Variants in SEL1L observed in about 807,000 individuals in gnomAD.
SEL1L encodes SEL1L adaptor subunit of SYVN1 ubiquitin ligase.
A neutral mutation model predicts 109.8 loss-of-function variants in SEL1L; 52 were observed. The ratio of observed to expected loss-of-function variants is 0.47; its 90% CI spans 0.38 to 0.60. SEL1L has a LOEUF of 0.60. SEL1L is among the 20% of genes least tolerant of loss of function. The pLI, the probability that SEL1L is intolerant of heterozygous loss-of-function variation, is 0.00. For missense variants in SEL1L, 749 were observed against 962.2 expected (o/e 0.78, Z 2.93); for synonymous variants, 373 against 339.6 (o/e 1.10, Z -1.08).
At chr14:81,478,750 G>A (rs1437522050) in intron 20 of SEL1L, among the ~76,000 whole-genome samples, 1 of 152,188 alleles carries the variant, frequency 6.6e-6, no homozygotes, top group Non-Finnish European at 1.5e-5. Context: ...GCATGGACTA[G>A]ACAAGTCCAT....
rs1331531326 is a variant in SEL1L at position 81,506,248 on chromosome 14, T to C, written c.341-7A>G. ...CCTTCAATGGCGGTCAAAGCTGGAATGACAAGAAATAAAAATCTAAACATG... is the reference window on the plus strand; with the variant it reads ...CCTTCAATGGCGGTCAAAGCTGGAACGACAAGAAATAAAAATCTAAACATG... On this transcript the variant is annotated splice_polypyrimidine_tract_variant and splice_region_variant and intron_variant, in intron 3 of 20. Transcript: ENST00000336735. The C allele has an allele frequency of 6.4e-7, 1 of 1,573,312 alleles. No individual in the cohort carries two copies. The highest frequency in any genetic ancestry group is 8.6e-7 in the Non-Finnish European group (1 of 1,161,892).
At chr14:81,522,799 T>C (rs1884971027) in intron 3 of SEL1L, among the ~76,000 whole-genome samples, 1 of 152,212 alleles carries the variant, frequency 6.6e-6, no homozygotes, top group Admixed American at 6.5e-5. Context: ...CCTCCTGTTT[T>C]ACATCATCCC....
intron 19 of SEL1L, among the ~76,000 whole-genome samples, chr14:81,481,107 T>TACA (rs1903343244): frequency 3.3e-5 from 5 of 152,362 alleles, no homozygotes; most frequent in African/African-American, 1.2e-4. Context: ...ATCTTGTGTT[T>TACA]CCCTGTGTTA....
rs1903027868 is a variant in SEL1L, at chr14:81,472,055, T to A, written c.*4917A>T. ...ATCTAAGCATACTTCCAAGCTGGTATAACCAACCTAAACTAGCATCATAAA... is the reference window on the plus strand; with the variant it reads ...ATCTAAGCATACTTCCAAGCTGGTAAAACCAACCTAAACTAGCATCATAAA... On this transcript the variant is annotated 3_prime_UTR_variant, in exon 21 of 21. Transcript: ENST00000336735. 1 of 152,252 alleles carries A rather than the reference T, an allele frequency of 6.6e-6. No homozygotes were observed. Among genetic ancestry groups the A allele is most frequent in the Non-Finnish European group, 1.5e-5 (1 of 68,070 alleles). 9.4% of individuals were successfully genotyped at this position (152,252 alleles called of 1,614,324 possible). A position where few individuals can be genotyped will look rare whatever the true frequency, so the allele number is the denominator to read the frequency against.
chr14:81,509,294 C>G (rs1036464991), intron 3 of SEL1L, among the ~76,000 whole-genome samples: 8 of 152,096 alleles, frequency 5.3e-5, no homozygotes, highest in Admixed American at 5.2e-4. Flanking sequence ...AAACCTCCAC[C>G]AGAAGAGTAT....
chr14:81,494,593 C>T (rs1883668520), intron 11 of SEL1L, among the ~76,000 whole-genome samples: 1 of 152,158 alleles, frequency 6.6e-6, no homozygotes, highest in Admixed American at 6.5e-5. Context: ...TAGCCATATT[C>T]CTTCCTGTCT....
At chr14:81,533,465 G>T (rs936005528) in intron 1 of SEL1L, among the ~76,000 whole-genome samples, 1 of 152,208 alleles carries the variant, frequency 6.6e-6, no homozygotes, top group Non-Finnish European at 1.5e-5. Flanking sequence ...TGTGGGCAGG[G>T]TGACCGCCCC....
At chr14:81,480,493 G>A (rs1903318987) in intron 19 of SEL1L, among the ~76,000 whole-genome samples, 1 of 152,160 alleles carries the variant, frequency 6.6e-6, no homozygotes, top group Admixed American at 6.5e-5. Context: ...GGAGAGCGAG[G>A]CAGGAGGATC....
intron 3 of SEL1L, among the ~76,000 whole-genome samples, chr14:81,509,929 C>T (rs1184891112): frequency 6.6e-6 from 1 of 152,146 alleles, no homozygotes; most frequent in Non-Finnish European, 1.5e-5. Flanking sequence ...CAAAGATCTA[C>T]TGATAGGAAA....
chr14:81,513,859 T>C (rs1884589327), intron 3 of SEL1L, among the ~76,000 whole-genome samples: 1 of 152,168 alleles, frequency 6.6e-6, no homozygotes, highest in African/African-American at 2.4e-5. Context: ...GGAAAGCCAT[T>C]CAGCTCCGGG....
rs748725126 is a variant in SEL1L, at chr14:81,477,180, A to G, written c.2177T>C (p.Ile726Thr). The change falls in exon 21 of 21, where the codon ATT (isoleucine) becomes ACT (threonine). Residue 726 changes from isoleucine to threonine, a missense_variant and splice_region_variant. Ile to Thr is a moderately conservative substitution (Grantham distance 89). Around this residue, in one of 2 missense-constraint regions of SEL1L, gnomAD observed 383 missense variants for 562.5 expected, o/e 0.68. Coordinates refer to ENST00000336735, the MANE Select transcript of SEL1L (RefSeq NM_005065.6). ...ATCAAGTTGGGTGAACATATCTCGAATCTTAATGAAAATAATATAGAAACC... is the reference window on the plus strand; with the variant it reads ...ATCAAGTTGGGTGAACATATCTCGAGTCTTAATGAAAATAATATAGAAACC... The part of the protein sequence containing the change: ...YFLQYIRETN[I>T]RDMFTQLDMD... 2.5e-6 allele frequency: 4 copies of G among 1,612,354 alleles called. No homozygotes were observed. The Admixed American group carries it at 6.7e-5, about 27-fold the overall frequency.
chr14:81,531,556 T>A (rs186766159), intron 1 of SEL1L, among the ~76,000 whole-genome samples: 1 of 152,148 alleles, frequency 6.6e-6, no homozygotes, highest in East Asian at 1.9e-4. Context: ...AGGGTTGTTT[T>A]TTTTTCTTTT....
intron 4 of SEL1L, among the ~76,000 whole-genome samples, chr14:81,505,596 T>C (rs1362337959): frequency 2.6e-5 from 4 of 152,332 alleles, no homozygotes; most frequent in Non-Finnish European, 5.9e-5. Context: ...TTCCTGAAAA[T>C]AGCTTTCCTT....
At chr14:81,492,666 A>G (rs767199813) in intron 11 of SEL1L, 118 bp from the exon 12 acceptor site, 34 of 643,820 alleles carry the variant, frequency 5.3e-5, no homozygotes, top group Non-Finnish European at 8.2e-5. Flanking sequence ...AGTGCTTTAA[A>G]AACAAGAATA....
chr14:81,473,747 C>T lies in SEL1L; in HGVS notation c.*3225G>A, dbSNP rs561613408. On this transcript the variant is annotated 3_prime_UTR_variant, in exon 21 of 21. Transcript: ENST00000336735. ...GGAAGTTTTTGCGTATGTAGTTAGA[C>T]ATTAATACACATGCTATACACATAA... is the stretch of plus-strand genomic sequence containing the variant. The T allele has an allele frequency of 7.2e-5, 11 of 152,214 alleles. No individual in the cohort carries two copies. Among genetic ancestry groups the T allele is most frequent in the African/African-American group, 2.4e-4 (10 of 41,536 alleles). 9.4% of individuals were successfully genotyped at this position (152,214 alleles called of 1,614,324 possible).
At chr14:81,499,427 A>T in intron 8 of SEL1L, 32 bp downstream of exon 8, 27 of 1,595,576 alleles carry the variant, frequency 1.7e-5, no homozygotes, top group Non-Finnish European at 2.3e-5. Context: ...TCTGATGTTA[A>T]TATTATTAGC....
chr14:81,529,658 T>C lies in SEL1L; in HGVS notation c.71-1920A>G, dbSNP rs116658691. The stretch of plus-strand genomic sequence containing the variant: ...ATGTGAATTGCATCATGCTTCTCTT[T>C]CTCTCCCTCTCTCTTCGCAACCTGG... On this transcript the variant is annotated intron_variant, in intron 1 of 20. Transcript: ENST00000336735. Among the ~76,000 whole-genome samples the C allele has an allele frequency of 6.0e-3, 916 of 152,360 alleles. 10 individuals are homozygous for C. Among genetic ancestry groups the C allele is most frequent in the African/African-American group, 0.021 (868 of 41,580 alleles).
At chr14:81,482,335 A>G (rs1324598422) in intron 19 of SEL1L, among the ~76,000 whole-genome samples, 2 of 152,344 alleles carry the variant, frequency 1.3e-5, no homozygotes, top group African/African-American at 4.8e-5. Context: ...CATGAAAGCC[A>G]TAACTTACAT....
chr14:81,489,103 G>C, intron 14 of SEL1L, 149 bp downstream of exon 14: 2 of 715,514 alleles, frequency 2.8e-6, no homozygotes, highest in South Asian at 3.1e-5. Flanking sequence ...TGGGGTGGTA[G>C]TGAGACAAAC....
Sources: gnomAD v4.1 joint callset for allele counts (sites outside exome capture counted in the v4.1 genomes callset) on GRCh38, gnomAD v4.1.1 for gene constraint, gnomAD v4.1.1 regional missense constraint, MANE v1.5 for transcripts, NCBI Gene and HGNC (gene_info 2026-07-23, HGNC 2026-07-21) for gene names.